TSPAN15: variants seen among roughly 807,000 people sequenced by gnomAD.
TSPAN15 encodes tetraspanin 15, also known as tetraspanin-15.
TSPAN15 carries 20 observed loss-of-function variants against 34.5 expected under a neutral mutation model. The ratio of observed to expected loss-of-function variants is 0.58; its 90% CI spans 0.41 to 0.84. The LOEUF (loss-of-function observed/expected upper bound fraction) is 0.84. Ranked by LOEUF, TSPAN15 falls within the 40% of genes least tolerant of loss-of-function variation. TSPAN15 has a pLI of 0.00. For missense variants in TSPAN15, 313 were observed against 386.1 expected (o/e 0.81, Z 1.59); for synonymous variants, 155 against 153.9 (o/e 1.01, Z -0.05).
chr10:69,540,023 T>A, the TSPAN15 span, among the ~76,000 whole-genome samples: 2 of 152,040 alleles, frequency 1.3e-5, no homozygotes, highest in Admixed American at 6.5e-5. Flanking sequence ...CCTGAATAGT[T>A]GGGATTACAG....
At chr10:69,494,954 T>C in intron 3 of TSPAN15, 4 of 812,214 alleles carry the variant, frequency 4.9e-6, no homozygotes, top group Non-Finnish European at 6.0e-6. Flanking sequence ...CGGCCTGCCA[T>C]GTTCCTCCCG....
rs371734610 is a variant in TSPAN15 at position 69,453,314 on chromosome 10, A to G, written c.96+1624A>G. ...AATTTACATAAGCTTAATTGTAGTA[A>G]ATTACTTACTAGAATTAAGGTAATT... On this transcript the variant is annotated intron_variant, in intron 1 of 7. Coordinates refer to ENST00000373290, the MANE Select transcript of TSPAN15 (RefSeq NM_012339.5). Among the ~76,000 whole-genome samples, 11 of 152,214 alleles carry G rather than the reference A, an allele frequency of 7.2e-5. No individual in the cohort carries two copies. The South Asian group carries it at 2.3e-3, about 32-fold the overall frequency.
chr10:69,546,080 A>C, the TSPAN15 span, among the ~76,000 whole-genome samples: 5 of 152,086 alleles, frequency 3.3e-5, no homozygotes, highest in Non-Finnish European at 7.4e-5. Context: ...ACCCATTCCT[A>C]GTCCGTATTC....
intron 3 of TSPAN15, among the ~76,000 whole-genome samples, chr10:69,491,019 C>G (rs919113557): frequency 2.6e-5 from 4 of 152,196 alleles, no homozygotes; most frequent in Non-Finnish European, 5.9e-5. Context: ...CGGGTGTGCC[C>G]CACTGTGGAA....
the TSPAN15 span, among the ~76,000 whole-genome samples, chr10:69,537,614 C>T: frequency 6.6e-6 from 1 of 152,212 alleles, no homozygotes; most frequent in African/African-American, 2.4e-5. Flanking sequence ...CAGCAGTCAT[C>T]TTGGATTAGA....
intron 3 of TSPAN15, among the ~76,000 whole-genome samples, chr10:69,493,312 G>A (rs1342228312): frequency 2.0e-5 from 3 of 152,308 alleles, no homozygotes; most frequent in South Asian, 2.1e-4. Flanking sequence ...GCCATGGGCT[G>A]GTGAGTTGAC....
At chr10:69,474,031 C>G (rs1841561428) in intron 1 of TSPAN15, among the ~76,000 whole-genome samples, 1 of 152,102 alleles carries the variant, frequency 6.6e-6, no homozygotes, top group African/African-American at 2.4e-5. Context: ...TTAACATTGC[C>G]CAAGTTGTGT....
intron 4 of TSPAN15, 69 bp from the exon 5 acceptor site, chr10:69,498,211 C>A: frequency 1.4e-6 from 2 of 1,402,436 alleles, no homozygotes; most frequent in Non-Finnish European, 2.0e-6. Context: ...CCTGACAGGG[C>A]CCCTTCCTGT....
At chr10:69,548,058 C>G in the TSPAN15 span, among the ~76,000 whole-genome samples, 3 of 152,094 alleles carry the variant, frequency 2.0e-5, no homozygotes, top group Admixed American at 6.5e-5. Context: ...TCCCTGTGGT[C>G]TGGAGGGCAC....
At chr10:69,511,738 C>CT (rs113782937), downstream of TSPAN15, among the ~76,000 whole-genome samples, 6 of 152,270 alleles carry the variant, frequency 3.9e-5, no homozygotes, top group African/African-American at 1.2e-4. Flanking sequence ...CTAAACACTG[C>CT]TTTTGCTGTG....
intron 1 of TSPAN15, among the ~76,000 whole-genome samples, chr10:69,460,083 C>T (rs111640173): frequency 2.0e-5 from 3 of 151,730 alleles, no homozygotes; most frequent in East Asian, 2.0e-4. Context: ...CTCTGGAATC[C>T]GTCTTGTCAG....
At chr10:69,529,405 G>A in the TSPAN15 span, among the ~76,000 whole-genome samples, 6 of 138,762 alleles carry the variant, frequency 4.3e-5, 1 homozygote, top group Non-Finnish European at 7.8e-5. Flanking sequence ...TTTTAAATAG[G>A]TGAATTGTAT....
chr10:69,462,639 C>G (rs918249821), intron 1 of TSPAN15, among the ~76,000 whole-genome samples: 2 of 152,120 alleles, frequency 1.3e-5, no homozygotes, highest in African/African-American at 4.8e-5. Flanking sequence ...CTGGCCCTAC[C>G]TGTGATTTTT....
intron 6 of TSPAN15, among the ~76,000 whole-genome samples, chr10:69,504,750 C>T (rs953095153): frequency 6.6e-6 from 1 of 152,174 alleles, no homozygotes; most frequent in South Asian, 2.1e-4. Flanking sequence ...GCCACCACGG[C>T]GCTTCCTGGT....
At chr10:69,494,280 G>T (rs953997829) in intron 3 of TSPAN15, among the ~76,000 whole-genome samples, 2 of 152,344 alleles carry the variant, frequency 1.3e-5, no homozygotes, top group African/African-American at 4.8e-5. Flanking sequence ...CACCAATGAC[G>T]TGGGTGTGAA....
chr10:69,482,138 A>G (rs758600869), intron 1 of TSPAN15, among the ~76,000 whole-genome samples: 1 of 152,178 alleles, frequency 6.6e-6, no homozygotes. Flanking sequence ...GAGAAAATAA[A>G]AAAGAGAAAG....
At chr10:69,513,333 T>C in the TSPAN15 span, among the ~76,000 whole-genome samples, 2 of 152,244 alleles carry the variant, frequency 1.3e-5, no homozygotes, top group African/African-American at 2.4e-5. Flanking sequence ...TGATTAGTTA[T>C]ATGATTTGAA....
At chr10:69,535,130 C>T in the TSPAN15 span, among the ~76,000 whole-genome samples, 1 of 152,074 alleles carries the variant, frequency 6.6e-6, no homozygotes, top group Non-Finnish European at 1.5e-5. Context: ...GCATAATGAC[C>T]ACCCAAATGC....
At chr10:69,480,775 G>A (rs944090556) in intron 1 of TSPAN15, among the ~76,000 whole-genome samples, 13 of 152,210 alleles carry the variant, frequency 8.5e-5, no homozygotes, top group African/African-American at 2.9e-4. Context: ...TCGGCTCACT[G>A]CAACCTCTGC....
Sources: allele counts gnomAD v4.1 joint callset (sites outside exome capture counted in the v4.1 genomes callset), GRCh38; gene constraint gnomAD v4.1.1; transcripts MANE v1.5; gene names NCBI Gene and HGNC (gene_info 2026-07-23, HGNC 2026-07-21).